KIF13A: variants seen among roughly 807,000 people sequenced by gnomAD.
KIF13A encodes the protein kinesin-like protein KIF13A.
In KIF13A, 79 loss-of-function variants were observed where a neutral mutation model predicts 212.2. That is an observed-to-expected ratio of 0.37 (90% CI 0.31 to 0.45). The LOEUF (loss-of-function observed/expected upper bound fraction) is 0.45, where lower values mean the gene tolerates loss of function less well. Among genes scored for constraint, KIF13A ranks in the 20% least tolerant of loss-of-function variants. The probability of loss-of-function intolerance (pLI) is 1.00; values close to 1 mark genes in which losing one functional copy is unlikely to be tolerated. For missense variants in KIF13A, 1,901 were observed against 2,209.0 expected, an observed-to-expected ratio of 0.86 and a Z score of 2.79; for synonymous variants, 789 against 808.6, an observed-to-expected ratio of 0.98 and a Z score of 0.41.
At position 17,779,067 on chromosome 6, in the gene KIF13A, C is replaced by A. The variant is rs1362646564; in HGVS notation, c.3972G>T (p.Leu1324=). ...ATEEIEDRET[L]ALLAARSENE... is the part of the protein sequence containing the mutation. ...TTTCACTCCTTGCTGCCAGGAGAGC[C>A]AGCGTTTCCCGGTCCTCTATCTCCT... Residue 1324 remains leucine, a synonymous_variant, in exon 33 of 39, where the codon CTG becomes CTT. Coordinates refer to ENST00000259711, the MANE Select transcript of KIF13A (RefSeq NM_022113.6). 1.2e-6 allele frequency: 2 copies of A among 1,613,624 alleles called. No individual in the cohort carries two copies. The highest frequency in any genetic ancestry group is 2.2e-5 in the South Asian group (2 of 91,054).
At chr6:17,874,300 G>A (rs1330052039) in intron 3 of KIF13A, among the ~76,000 whole-genome samples, 1 of 6,756 alleles carries the variant, frequency 1.5e-4, no homozygotes, top group Non-Finnish European at 3.5e-4. Flanking sequence ...GGTGGTGGTG[G>A]GGGGGGTTCT....
intron 4 of KIF13A, among the ~76,000 whole-genome samples, chr6:17,858,237 C>A (rs187898139): frequency 6.6e-6 from 1 of 152,164 alleles, no homozygotes; most frequent in East Asian, 1.9e-4. Context: ...TAACTTCTAC[C>A]ATCTAGCATA....
chr6:17,858,239 T>C (rs1331597027), intron 4 of KIF13A, among the ~76,000 whole-genome samples: 4 of 152,152 alleles, frequency 2.6e-5, no homozygotes, highest in African/African-American at 9.7e-5. Context: ...ACTTCTACCA[T>C]CTAGCATAGA....
chr6:17,932,281 T>A (rs1776048939), intron 2 of KIF13A, among the ~76,000 whole-genome samples: 1 of 152,228 alleles, frequency 6.6e-6, no homozygotes, highest in Admixed American at 6.5e-5. Context: ...AAATATTGCA[T>A]AAATACTGTA....
At chr6:17,781,972 T>C (rs1760632375) in intron 29 of KIF13A, among the ~76,000 whole-genome samples, 1 of 152,062 alleles carries the variant, frequency 6.6e-6, no homozygotes, top group Non-Finnish European at 1.5e-5. Context: ...AGTCCCGCTC[T>C]GTAGCCCAGG....
At chr6:17,941,768 C>T (rs764662909) in intron 2 of KIF13A, among the ~76,000 whole-genome samples, 3 of 151,100 alleles carry the variant, frequency 2.0e-5, no homozygotes, top group Non-Finnish European at 4.4e-5. Flanking sequence ...TATGGTAACC[C>T]TAGCAATACC....
Position 17,799,758 on chromosome 6 carries a change from C to T in KIF13A, c.2616+194G>A, listed in dbSNP as rs972037224. On this transcript the variant is annotated intron_variant, in intron 21 of 38. Coordinates refer to ENST00000259711, the MANE Select transcript of KIF13A (RefSeq NM_022113.6). The surrounding 1 kb of genome is among the most constrained non-coding windows in gnomAD (Gnocchi z 4.4). ...TTCTTGCATGTCAAATACATAAACA[C>T]TTTTGAAATTTGATGCAACTGTCAT... 1.3e-5 allele frequency among the ~76,000 whole-genome samples: 2 copies of T among 152,174 alleles called. No individual in the cohort carries two copies. The highest frequency in any genetic ancestry group is 1.9e-4 in the East Asian group (1 of 5,202).
intron 16 of KIF13A, among the ~76,000 whole-genome samples, chr6:17,820,311 A>G (rs1002665118): frequency 2.6e-5 from 4 of 151,756 alleles, no homozygotes; most frequent in Non-Finnish European, 5.9e-5. Context: ...CCATTCCCGA[A>G]CTCCCAGATC....
rs1016581101 is a variant in KIF13A at position 17,772,384 on chromosome 6, G to A, written c.4325-325C>T. Among the ~76,000 whole-genome samples, 10 of 152,110 alleles carry A rather than the reference G, an allele frequency of 6.6e-5. No homozygotes were observed. Among genetic ancestry groups the A allele is most frequent in the South Asian group, 2.1e-4 (1 of 4,826 alleles). On this transcript the variant is annotated intron_variant, in intron 36 of 38. Transcript: ENST00000259711. This position sits in a 1 kb window ranked among gnomAD's most constrained non-coding sequence, Gnocchi z 4.8. ...TAATGGTGCCACTGCACTCCAGCCC[G>A]GGCAAGAGAGAGAGAGGGAGACCCT... is the stretch of plus-strand genomic sequence containing the variant.
Position 17,930,239 on chromosome 6 carries a change from C to G in KIF13A, c.147-32059G>C, listed in dbSNP as rs1775877119. On this transcript the variant is annotated intron_variant, in intron 2 of 38. Coordinates refer to ENST00000259711, the MANE Select transcript of KIF13A (RefSeq NM_022113.6). ...AAACTTTCATCAATATACATTAAAC[C>G]ATTTGGGAGTATTTACTTAGGAAGG... Among the ~76,000 whole-genome samples, 5 of 152,042 alleles carry G rather than the reference C, an allele frequency of 3.3e-5. No homozygotes were observed. The South Asian group carries it at 1.0e-3, about 32-fold the overall frequency.
At position 17,777,635 on chromosome 6, in the gene KIF13A, C is replaced by T. The variant is rs777479162; in HGVS notation, c.4093-281G>A. Among the ~76,000 whole-genome samples, 4 of 152,142 alleles carry T rather than the reference C, an allele frequency of 2.6e-5. No individual in the cohort carries two copies. The highest frequency in any genetic ancestry group is 2.9e-5 in the Non-Finnish European group (2 of 68,038). ...CTGAGCTCAGGCAATCTGCCCACGTCGGCCTCCCAAAGTGTTAGGATTACA... is the reference window on the plus strand; with the variant it reads ...CTGAGCTCAGGCAATCTGCCCACGTTGGCCTCCCAAAGTGTTAGGATTACA... On this transcript the variant is annotated intron_variant, in intron 33 of 38. Coordinates refer to ENST00000259711, the MANE Select transcript of KIF13A (RefSeq NM_022113.6). The surrounding 1 kb of genome is among the most constrained non-coding windows in gnomAD (Gnocchi z 4.4).
intron 3 of KIF13A, among the ~76,000 whole-genome samples, chr6:17,884,716 G>A (rs774131974): frequency 1.7e-4 from 26 of 152,144 alleles, no homozygotes; most frequent in Non-Finnish European, 3.2e-4. Flanking sequence ...ATGAAGGAGT[G>A]TGTCCTCTCC....
rs1480994008 is a variant in KIF13A at position 17,764,874 on chromosome 6, C to T, written c.4654G>A (p.Val1552Met). The T allele has an allele frequency of 6.2e-7, 1 of 1,613,932 alleles. No homozygotes were observed. ...KLISSQPYVP[V>M]EFADFSVYNA... ...TAAACACTGAAGTCAGCAAACTCCA[C>T]AGGTACATAAGGCTGTGAACTTATT... The change falls in exon 39 of 39, where the codon GTG (valine) becomes ATG (methionine). Residue 1552 changes from valine to methionine, a missense_variant. Around this residue, in one of 5 missense-constraint regions of KIF13A, gnomAD observed 687 missense variants for 759.1 expected, o/e 0.90. Coordinates refer to ENST00000259711, the MANE Select transcript of KIF13A (RefSeq NM_022113.6). This position sits in a 1 kb window ranked among gnomAD's most constrained non-coding sequence, Gnocchi z 5.1.
In KIF13A at chr6:17,850,427, T is replaced by C; in HGVS notation, c.613A>G (p.Lys205Glu). Residue 205 changes from lysine to glutamate, a missense_variant, in exon 8 of 39, where the codon AAG becomes GAG. Lys to Glu is a moderately conservative substitution (Grantham distance 56). Coordinates refer to ENST00000259711, the MANE Select transcript of KIF13A (RefSeq NM_022113.6). This position sits in a 1 kb window ranked among gnomAD's most constrained non-coding sequence, Gnocchi z 6.2. Reference protein sequence around the residue: ...DIESLMSEGNKSRTVAATNMN... With the variant: ...DIESLMSEGNESRTVAATNMN... Reference sequence around the variant, plus strand: ...TTGGTAGCAGCTACCGTTCGAGACTTATTTCCCTCAGACATCAATGACTCA... The same window carrying C: ...TTGGTAGCAGCTACCGTTCGAGACTCATTTCCCTCAGACATCAATGACTCA... 6.2e-7 allele frequency: 1 copy of C among 1,613,700 alleles called. No homozygotes were observed. Among genetic ancestry groups the C allele is most frequent in the Non-Finnish European group, 8.5e-7 (1 of 1,179,770 alleles).
rs758661319 is a variant in KIF13A, at chr6:17,855,412, C to T, written c.494+25G>A. 6.4e-7 allele frequency: 1 copy of T among 1,558,960 alleles called. No individual in the cohort carries two copies. The highest frequency in any genetic ancestry group is 1.8e-5 in the Admixed American group (1 of 54,146). On this transcript the variant is annotated intron_variant, in intron 6 of 38. Transcript: ENST00000259711. The surrounding 1 kb of genome is among the most constrained non-coding windows in gnomAD (Gnocchi z 4.1). ...TTAAAATTATCTCCCCCTATTAACA[C>T]ACTTAATCTTGACCACTAACTTACC...
chr6:17,975,930 G>A (rs558164121), intron 2 of KIF13A, among the ~76,000 whole-genome samples: 1 of 151,158 alleles, frequency 6.6e-6, no homozygotes, highest in South Asian at 2.1e-4. Flanking sequence ...AGACATAAAG[G>A]TTCTCCAAGG....
rs1041387793 is a variant in KIF13A at position 17,986,943 on chromosome 6, T to A, written c.146+111A>T. ...CTTCAAACAGGAGCCGGCGACAAAC[T>A]TGAAGCCGTCCTCCTAACAATAGGA... On this transcript the variant is annotated intron_variant, in intron 2 of 38. Coordinates refer to ENST00000259711, the MANE Select transcript of KIF13A (RefSeq NM_022113.6). 1.4e-5 allele frequency: 10 copies of A among 716,170 alleles called. No individual in the cohort carries two copies. The African/African-American group carries it at 1.6e-4, about 12-fold the overall frequency. The allele number at this position is 716,170 out of a possible 1,614,324, so 44.4% of individuals were successfully genotyped here.
intron 38 of KIF13A, among the ~76,000 whole-genome samples, chr6:17,770,184 T>C (rs1009583355): frequency 6.6e-6 from 1 of 151,192 alleles, no homozygotes; most frequent in African/African-American, 2.4e-5. Flanking sequence ...ATGGTGTCGC[T>C]GGAAAATGAG....
intron 7 of KIF13A, among the ~76,000 whole-genome samples, chr6:17,851,122 A>G (rs1424313255): frequency 6.6e-6 from 1 of 152,198 alleles, no homozygotes; most frequent in East Asian, 1.9e-4. Flanking sequence ...AGAACCAGGG[A>G]CCTCAGTGAA....
Sources: gnomAD v4.1 joint callset for allele counts (sites outside exome capture counted in the v4.1 genomes callset) on GRCh38, gnomAD v4.1.1 for gene constraint, gnomAD v4.1.1 regional missense constraint, Gnocchi (gnomAD v3.1) non-coding constraint, MANE v1.5 for transcripts, NCBI Gene and HGNC (gene_info 2026-07-23, HGNC 2026-07-21) for gene names.